SUCLG1: variants seen among roughly 807,000 people sequenced by gnomAD.
The protein encoded by SUCLG1 is succinate-CoA ligase GDP/ADP-forming subunit alpha.
SUCLG1 carries 26 observed loss-of-function variants against 37.3 expected under a neutral mutation model. That is an observed-to-expected ratio of 0.70 (90% confidence interval 0.51 to 0.97). The LOEUF is 0.97. Among genes scored for constraint, SUCLG1 ranks in the 50% least tolerant of loss-of-function variants. The pLI is 0.00. For missense variants in SUCLG1, 433 were observed against 432.9 expected (o/e 1.00, Z 0.00); for synonymous variants, 163 against 155.6 (o/e 1.05, Z -0.36).
chr2:84,433,038 TA>T (rs1403191287), intron 6 of SUCLG1, among the ~76,000 whole-genome samples: 1 of 152,156 alleles, frequency 6.6e-6, no homozygotes, highest in South Asian at 2.1e-4. Context: ...ATGGCAATGA[TA>T]ACAAAAGTCC....
intron 2 of SUCLG1, among the ~76,000 whole-genome samples, chr2:84,446,639 G>C (rs1672857061): frequency 6.6e-6 from 1 of 152,018 alleles, no homozygotes; most frequent in South Asian, 2.1e-4. Context: ...TCAAAGTATA[G>C]TTTGGAGACT....
chr2:84,449,439 T>C (rs563416841), intron 2 of SUCLG1, among the ~76,000 whole-genome samples: 4 of 152,270 alleles, frequency 2.6e-5, no homozygotes, highest in African/African-American at 9.6e-5. Flanking sequence ...AAGCATACAA[T>C]ATACTCCTTT....
At chr2:84,457,578 C>T (rs1418119525) in intron 1 of SUCLG1, among the ~76,000 whole-genome samples, 1 of 152,130 alleles carries the variant, frequency 6.6e-6, no homozygotes, top group Non-Finnish European at 1.5e-5. Context: ...TTTTTCTAGA[C>T]AGCAGACCTA....
chr2:84,457,003 G>C (rs1673030880), intron 1 of SUCLG1, among the ~76,000 whole-genome samples: 1 of 152,098 alleles, frequency 6.6e-6, no homozygotes, highest in African/African-American at 2.4e-5. Context: ...GGCTCCGGAA[G>C]GCATCTACCA....
chr2:84,444,070 G>C (rs1355172231), intron 2 of SUCLG1, among the ~76,000 whole-genome samples: 1 of 152,136 alleles, frequency 6.6e-6, no homozygotes, highest in African/African-American at 2.4e-5. Flanking sequence ...GATGCCAGTA[G>C]CACACCCTCC....
At position 84,459,179 on chromosome 2, in the gene SUCLG1, A is replaced by G. The variant is rs1423984666; in HGVS notation, c.91T>C (p.Phe31Leu). 6.5e-7 allele frequency: 1 copy of G among 1,549,632 alleles called. No homozygotes were observed. Among genetic ancestry groups the G allele is most frequent in the Non-Finnish European group, 8.7e-7 (1 of 1,146,404 alleles). Reference sequence around the variant, plus strand: ...CAGTACTGGCTGGACTCACGGAGGAAGCTGCGCGACAGGAGACGGGCGGCG... The same window carrying G: ...CAGTACTGGCTGGACTCACGGAGGAGGCTGCGCGACAGGAGACGGGCGGCG... ...LAAARLLSRS[F>L]LLPQNGIRHC... The change falls in exon 1 of 9, where the codon TTC becomes CTC. Residue 31 changes from phenylalanine (F) to leucine (L), a missense_variant. Physicochemically the swap from Phe to Leu is conservative, Grantham distance 22 (BLOSUM62 0). Transcript: ENST00000393868.
intron 2 of SUCLG1, among the ~76,000 whole-genome samples, chr2:84,447,169 C>G (rs1672862447): frequency 6.6e-6 from 1 of 152,178 alleles, no homozygotes; most frequent in South Asian, 2.1e-4. Flanking sequence ...AATGTGTGTA[C>G]TGAGAAAACA....
Position 84,431,518 on chromosome 2 carries a change from T to G in SUCLG1, c.815A>C (p.Gln272Pro). The part of the protein sequence containing the change: ...AEENAAEFLK[Q>P]HNSGPNSKPV... ...CAAACCCAAACTTACTGAATTATGTTGCTTCAAAAATTCTGCAGCATTCTC... is the reference window on the plus strand; with the variant it reads ...CAAACCCAAACTTACTGAATTATGTGGCTTCAAAAATTCTGCAGCATTCTC... The change falls in exon 7 of 9, where the codon CAA becomes CCA. Residue 272 changes from glutamine to proline, a missense_variant. Transcript: ENST00000393868. The G allele has an allele frequency of 1.2e-6, 2 of 1,614,028 alleles. No individual in the cohort carries two copies. The highest frequency in any genetic ancestry group is 1.7e-6 in the Non-Finnish European group (2 of 1,179,892).
At position 84,423,758 on chromosome 2, in the gene SUCLG1, C is replaced by T. The variant is rs779502651; in HGVS notation, c.1029G>A (p.Arg343=). 2.5e-6 allele frequency: 4 copies of T among 1,605,934 alleles called. No homozygotes were observed. The highest frequency in any genetic ancestry group is 3.4e-6 in the Non-Finnish European group (4 of 1,175,294). The stretch of plus-strand genomic sequence containing the variant: ...TTTTTTTTTTCTTTCATAGCATCTT[C>T]CTCTTTTCAAATTCCTTCAGAAACA... ...GTTIYKEFEK[R]KML Residue 343 remains arginine, a synonymous_variant, in exon 9 of 9, where the codon AGG becomes AGA. Coordinates refer to ENST00000393868, the MANE Select transcript of SUCLG1 (RefSeq NM_003849.4).
At chr2:84,435,068 C>T (rs1558610039) in intron 5 of SUCLG1, among the ~76,000 whole-genome samples, 1 of 152,174 alleles carries the variant, frequency 6.6e-6, no homozygotes, top group Non-Finnish European at 1.5e-5. Flanking sequence ...ACTCGCCAGC[C>T]CAGCAGAGTC....
intron 7 of SUCLG1, among the ~76,000 whole-genome samples, chr2:84,429,504 G>A (rs72937123): frequency 0.053 from 8,110 of 152,026 alleles, 469 homozygotes; most frequent in African/African-American, 0.14. Context: ...CTGTGCCAGG[G>A]GACTGGGCAG....
At position 84,431,649 on chromosome 2, in the gene SUCLG1, A is replaced by G; in HGVS notation, c.684T>C (p.Gly228=). 2 of 1,613,868 alleles carry G rather than the reference A, an allele frequency of 1.2e-6. No individual in the cohort carries two copies. Among genetic ancestry groups the G allele is most frequent in the Non-Finnish European group, 8.5e-7 (1 of 1,179,884 alleles). Residue 228 remains glycine (G), a synonymous_variant, in exon 7 of 9, where the codon GGT becomes GGC. Coordinates refer to ENST00000393868, the MANE Select transcript of SUCLG1 (RefSeq NM_003849.4). ...LGQSLCVGIG[G]DPFNGTDFID... is the part of the protein sequence containing the mutation. ...TAAAATCTGTTCCATTAAAAGGATCACCTCCAATGCCTGAAAAAGTTGAAA... is the reference window on the plus strand; with the variant it reads ...TAAAATCTGTTCCATTAAAAGGATCGCCTCCAATGCCTGAAAAAGTTGAAA...
At chr2:84,459,107 A>C in intron 1 of SUCLG1, 66 bp downstream of exon 1, 1 of 1,480,388 alleles carries the variant, frequency 6.8e-7, no homozygotes, top group Non-Finnish European at 9.1e-7. Flanking sequence ...GGCCTGGGCC[A>C]GGAGGTTGGG....
intron 7 of SUCLG1, among the ~76,000 whole-genome samples, chr2:84,430,563 A>T (rs1419139168): frequency 6.6e-6 from 1 of 152,218 alleles, no homozygotes; most frequent in Non-Finnish European, 1.5e-5. Flanking sequence ...CTTAAAACAC[A>T]AATAAATATG....
At chr2:84,447,272 C>G (rs1015422867) in intron 2 of SUCLG1, among the ~76,000 whole-genome samples, 7 of 150,502 alleles carry the variant, frequency 4.7e-5, no homozygotes, top group Non-Finnish European at 1.0e-4. Flanking sequence ...ATCAACAAAC[C>G]TGAGGCAATT....
intron 6 of SUCLG1, among the ~76,000 whole-genome samples, chr2:84,431,986 G>C (rs1189949438): frequency 6.6e-6 from 1 of 152,122 alleles, no homozygotes; most frequent in Non-Finnish European, 1.5e-5. Context: ...TAACTCCTTA[G>C]AAATGAACAT....
intron 5 of SUCLG1, among the ~76,000 whole-genome samples, chr2:84,440,843 C>G (rs1672757340): frequency 6.6e-6 from 1 of 152,218 alleles, no homozygotes; most frequent in Non-Finnish European, 1.5e-5. Context: ...AAAATCTTCA[C>G]TGATTCTGCA....
intron 6 of SUCLG1, among the ~76,000 whole-genome samples, chr2:84,432,022 C>A (rs2104243782): frequency 6.6e-6 from 1 of 152,276 alleles, no homozygotes; most frequent in South Asian, 2.1e-4. Flanking sequence ...ATCTGTGTTG[C>A]ATGCTGATGT....
chr2:84,443,960 C>G (rs1672811294), intron 2 of SUCLG1, among the ~76,000 whole-genome samples: 1 of 152,204 alleles, frequency 6.6e-6, no homozygotes, highest in Admixed American at 6.5e-5. Flanking sequence ...CCTCCTCAAC[C>G]TCAGCATTAT....
Sources: allele counts gnomAD v4.1 joint callset (sites outside exome capture counted in the v4.1 genomes callset), GRCh38; gene constraint gnomAD v4.1.1; transcripts MANE v1.5; gene names NCBI Gene and HGNC (gene_info 2026-07-23, HGNC 2026-07-21).